The following NAV1 variants were observed in gnomAD, a reference collection of about 807,000 sequenced individuals.
NAV1 encodes the protein pore membrane and/or filament interacting like protein 3.
In NAV1, 18 loss-of-function variants were observed where a neutral mutation model predicts 175.2. The ratio of observed to expected loss-of-function variants is 0.10; its 90% CI spans 0.07 to 0.15. The LOEUF (loss-of-function observed/expected upper bound fraction) is 0.15, where lower values mean the gene tolerates loss of function less well. NAV1 is among the 10% of genes least tolerant of loss of function. The pLI is 1.00. For synonymous variants in NAV1, 897 were observed against 978.7 expected, an observed-to-expected ratio of 0.92 and a Z score of 1.56; for missense variants, 1,731 against 2,436.6, an observed-to-expected ratio of 0.71 and a Z score of 6.10.
At chr1:201,697,507 C>T (rs1671241717) in intron 1 of NAV1, among the ~76,000 whole-genome samples, 1 of 152,162 alleles carries the variant, frequency 6.6e-6, no homozygotes, top group African/African-American at 2.4e-5. Flanking sequence ...ACCTTTTCCT[C>T]TTTATCCTCA....
At chr1:201,703,598 C>T (rs1295647360) in intron 1 of NAV1, among the ~76,000 whole-genome samples, 3 of 152,202 alleles carry the variant, frequency 2.0e-5, no homozygotes, top group Non-Finnish European at 4.4e-5. Context: ...CCTTTCCTAA[C>T]GTGATCTTGT....
rs79032710 is a variant in NAV1, at chr1:201,744,924, T to C, written c.1226+26169T>C. On this transcript the variant is annotated intron_variant, in intron 3 of 29. Coordinates refer to ENST00000367296, the Ensembl canonical transcript of NAV1. ...TTTTCACTGCTATCTGGAGGAATCCTATCTGGAGGTCTTTGATAGTGCCAC... is the reference window on the plus strand; with the variant it reads ...TTTTCACTGCTATCTGGAGGAATCCCATCTGGAGGTCTTTGATAGTGCCAC... 0.01 allele frequency among the ~76,000 whole-genome samples: 1,531 copies of C among 152,322 alleles called. 47 individuals carry two copies. In the East Asian group the frequency reaches 0.11, roughly 11 times the overall value.
rs111599603 is a variant in NAV1, at chr1:201,740,992, C to A, written c.1226+22237C>A. Among the ~76,000 whole-genome samples the A allele has an allele frequency of 1.3e-5, 2 of 152,182 alleles. No homozygotes were observed. The highest frequency in any genetic ancestry group is 2.4e-5 in the African/African-American group (1 of 41,534). The stretch of plus-strand genomic sequence containing the variant: ...CACTCTCCTTCCCCTCAGCCTCCCG[C>A]AGACCTGGGAAGTTGGAGGTTGGGC... On this transcript the variant is annotated intron_variant, in intron 3 of 29. Transcript: ENST00000367296. This position sits in a 1 kb window ranked among gnomAD's most constrained non-coding sequence, Gnocchi z 4.7.
chr1:201,549,132 TTTCTTTCTTTC>T lies in NAV1; in HGVS notation c.-144+9799_-144+9809del, dbSNP rs759794680. Among the ~76,000 whole-genome samples, 928 of 144,958 alleles carry T rather than the reference TTTCTTTCTTTC, an allele frequency of 6.4e-3. 4 individuals are homozygous for T. The highest frequency in any genetic ancestry group is 0.018 in the Middle Eastern group (5 of 276). Reference sequence around the variant, plus strand: ...CTTTCTTTCTTTCTTTCTTTCTTTCTTTCTTTCTTTCTTCTTTCTCTCTCTCTCTTTCTTTC... The same window carrying T: ...CTTTCTTTCTTTCTTTCTTTCTTTCTTTCTTTCTCTCTCTCTCTTTCTTTC... On this transcript the variant is annotated intron_variant, in intron 1 of 33. Coordinates refer to the NAV1 transcript ENST00000685211.
chr1:201,761,702 G>C (rs774248501), intron 3 of NAV1, among the ~76,000 whole-genome samples: 5 of 152,192 alleles, frequency 3.3e-5, no homozygotes, highest in Non-Finnish European at 7.3e-5. Context: ...AATGGTTTTT[G>C]CTTCTGTCAA....
At chr1:201,744,345 T>C (rs80052330) in intron 3 of NAV1, among the ~76,000 whole-genome samples, 1,774 of 138,164 alleles carry the variant, frequency 0.013, 40 homozygotes, top group African/African-American at 0.044. Context: ...TTTATTTATT[T>C]ATTCATTCAT....
rs1672211227 is a variant in NAV1 at position 201,718,027 on chromosome 1, T to C, written c.861-363T>C. ...ACTCTATAAGGTAGATGTTATGCCATTATCCCCATTGTACAGATGGGGAAA... is the reference window on the plus strand; with the variant it reads ...ACTCTATAAGGTAGATGTTATGCCACTATCCCCATTGTACAGATGGGGAAA... On this transcript the variant is annotated intron_variant, in intron 2 of 29. Transcript: ENST00000367296. The surrounding 1 kb of genome is among the most constrained non-coding windows in gnomAD (Gnocchi z 4.8). Among the ~76,000 whole-genome samples, 1 of 152,230 alleles carries C rather than the reference T, an allele frequency of 6.6e-6. No individual in the cohort carries two copies. Among genetic ancestry groups the C allele is most frequent in the African/African-American group, 2.4e-5 (1 of 41,456 alleles).
chr1:201,600,569 A>G (rs77040227), intron 2 of NAV1, among the ~76,000 whole-genome samples: 2,686 of 152,274 alleles, frequency 0.018, 80 homozygotes, highest in African/African-American at 0.061. Context: ...AAATTAGGGG[A>G]AACTGGGTGA....
At chr1:201,579,821 C>T (rs943657578) in intron 1 of NAV1, among the ~76,000 whole-genome samples, 9 of 152,124 alleles carry the variant, frequency 5.9e-5, no homozygotes, top group Non-Finnish European at 8.8e-5. Context: ...AATAGATACA[C>T]GAGAGGGGAT....
Position 201,808,012 on chromosome 1 carries a change from A to T in NAV1, c.3708A>T (p.Ser1236=). 6.2e-7 allele frequency: 1 copy of T among 1,614,116 alleles called. No homozygotes were observed. Among genetic ancestry groups the T allele is most frequent in the Middle Eastern group, 1.6e-4 (1 of 6,062 alleles). Residue 1236 remains serine (S), a synonymous_variant, in exon 18 of 30, where the codon TCA becomes TCT. Transcript: ENST00000367296. This position sits in a 1 kb window ranked among gnomAD's most constrained non-coding sequence, Gnocchi z 5.5. Reference sequence around the variant, plus strand: ...AAAAGGGGCCCAAGTCAGCTTCCTCATACTCGGATATAGAGGAGATTGCTA... The same window carrying T: ...AAAAGGGGCCCAAGTCAGCTTCCTCTTACTCGGATATAGAGGAGATTGCTA...
At chr1:201,631,792 T>C (rs764024996) in intron 2 of NAV1, among the ~76,000 whole-genome samples, 3 of 152,248 alleles carry the variant, frequency 2.0e-5, no homozygotes, top group Non-Finnish European at 2.9e-5. Context: ...TGACAGTTAT[T>C]GATCATGTTA....
chr1:201,603,092 G>A (rs1667570909), intron 2 of NAV1, among the ~76,000 whole-genome samples: 1 of 152,214 alleles, frequency 6.6e-6, no homozygotes, highest in Non-Finnish European at 1.5e-5. Context: ...AGAAGCTGGT[G>A]AGACAGTTAT....
chr1:201,608,337 C>T (rs1049713232), intron 2 of NAV1, among the ~76,000 whole-genome samples: 5 of 152,172 alleles, frequency 3.3e-5, no homozygotes, highest in Non-Finnish European at 7.3e-5. Flanking sequence ...TGGTATTGAT[C>T]TGCACGGCCT....
At chr1:201,597,240 G>A (rs556476772) in intron 2 of NAV1, among the ~76,000 whole-genome samples, 88 of 152,326 alleles carry the variant, frequency 5.8e-4, no homozygotes, top group African/African-American at 2.1e-3. Context: ...GGACGAAGAG[G>A]AGAATCAGTG....
At chr1:201,609,647 G>T (rs1237237986) in intron 2 of NAV1, among the ~76,000 whole-genome samples, 1 of 152,190 alleles carries the variant, frequency 6.6e-6, no homozygotes, top group Non-Finnish European at 1.5e-5. Flanking sequence ...GACAGGTCTG[G>T]TGGGAGACGT....
At chr1:201,648,755 C>A in exon 1 of NAV1, 2 of 1,401,806 alleles carry the variant, frequency 1.4e-6, no homozygotes, top group Admixed American at 3.2e-5. Flanking sequence ...AACCGCGGGG[C>A]GCCGGCAGGA....
At chr1:201,693,714 C>T (rs1025074837) in intron 1 of NAV1, among the ~76,000 whole-genome samples, 3 of 151,980 alleles carry the variant, frequency 2.0e-5, no homozygotes, top group African/African-American at 7.3e-5. Flanking sequence ...AGATGGAAGC[C>T]GTAGGAGGGA....
In NAV1 at chr1:201,788,003, AG is replaced by A. The variant is rs1456614284; in HGVS notation, c.2996-464del. On this transcript the variant is annotated intron_variant, in intron 9 of 29. Transcript: ENST00000367296. This position sits in a 1 kb window ranked among gnomAD's most constrained non-coding sequence, Gnocchi z 5.7. ...CAATGCCAGGGCAACGGGATCCCGT[AG>A]CCCAGCCCCCTTCTCTAGCTGGTGC... Among the ~76,000 whole-genome samples the A allele has an allele frequency of 1.3e-5, 2 of 152,202 alleles. No homozygotes were observed. Among genetic ancestry groups the A allele is most frequent in the African/African-American group, 4.8e-5 (2 of 41,440 alleles).
intron 4 of NAV1, among the ~76,000 whole-genome samples, 193 bp downstream of exon 8, chr1:201,780,752 A>T (rs1358161508): frequency 6.6e-6 from 1 of 151,652 alleles, no homozygotes; most frequent in African/African-American, 2.4e-5. Flanking sequence ...AAGACATTAG[A>T]TGTTGTCATA....
Sources: gnomAD v4.1 joint callset for allele counts (sites outside exome capture counted in the v4.1 genomes callset) on GRCh38, gnomAD v4.1.1 for gene constraint, Gnocchi (gnomAD v3.1) non-coding constraint, MANE v1.5 for transcripts, NCBI Gene and HGNC (gene_info 2026-07-23, HGNC 2026-07-21) for gene names.